Variants in NGEF observed in about 807,000 individuals in gnomAD.
NGEF encodes ephexin-1.
In NGEF, 31 loss-of-function variants were observed where a neutral mutation model predicts 80.9. That is an observed-to-expected ratio of 0.38 (90% CI 0.29 to 0.52). The LOEUF (loss-of-function observed/expected upper bound fraction) is 0.52, where lower values mean the gene tolerates loss of function less well. Among genes scored for constraint, NGEF ranks in the 20% least tolerant of loss-of-function variants. The pLI, the probability that NGEF is intolerant of heterozygous loss-of-function variation, is 0.84. For missense variants in NGEF, 709 were observed against 926.2 expected, an observed-to-expected ratio of 0.77 and a Z score of 3.04; for synonymous variants, 371 against 370.2, an observed-to-expected ratio of 1.00 and a Z score of -0.03.
At chr2:232,917,800 G>A (rs537428803) in intron 5 of NGEF, among the ~76,000 whole-genome samples, 1 of 152,176 alleles carries the variant, frequency 6.6e-6, no homozygotes, top group South Asian at 2.1e-4. Flanking sequence ...TTGAGACAGA[G>A]TCTTGCTCTG....
intron 1 of NGEF, among the ~76,000 whole-genome samples, chr2:232,996,165 T>A (rs2106339937): frequency 6.6e-6 from 1 of 152,102 alleles, no homozygotes; most frequent in East Asian, 1.9e-4. Context: ...CCATCTTTAC[T>A]AAAAATACAA....
intron 6 of NGEF, among the ~76,000 whole-genome samples, chr2:232,893,400 G>A (rs1357112798): frequency 6.6e-6 from 1 of 152,226 alleles, no homozygotes; most frequent in Non-Finnish European, 1.5e-5. Flanking sequence ...CACTGCTGAC[G>A]CTGGTGAGCA....
intron 1 of NGEF, among the ~76,000 whole-genome samples, chr2:233,004,405 C>G (rs1262277549): frequency 6.6e-6 from 1 of 152,244 alleles, no homozygotes; most frequent in Non-Finnish European, 1.5e-5. Flanking sequence ...TCCCCATCCC[C>G]TGGTCGCAGC....
In NGEF at chr2:232,881,243, G is replaced by C. The variant is rs575494703; in HGVS notation, c.1845C>G (p.Pro615=). The change falls in exon 14 of 15, where the codon CCC becomes CCG. Residue 615 remains proline, a synonymous_variant. Transcript: ENST00000264051. ...VSFTSRLLDC[P]QVQCVHPYVA... ...CGTATGGGTGCACGCACTGGACCTGGGGGCAGTCTGAGGGACAAGAGGCAC... is the reference window on the plus strand; with the variant it reads ...CGTATGGGTGCACGCACTGGACCTGCGGGCAGTCTGAGGGACAAGAGGCAC... 5 of 1,607,174 alleles carry C rather than the reference G, an allele frequency of 3.1e-6. No homozygotes were observed. In the East Asian group the frequency reaches 6.7e-5, roughly 21 times the overall value.
chr2:232,894,761 A>G lies in NGEF; in HGVS notation c.984T>C (p.Ser328=), dbSNP rs754051239. The G allele has an allele frequency of 6.3e-7, 1 of 1,580,200 alleles. No homozygotes were observed. Among genetic ancestry groups the G allele is most frequent in the South Asian group, 1.1e-5 (1 of 89,446 alleles). ...GCTGTCCCCCCCGTCCTCACCGCTC[A>G]CTGACAGCCAGCACGTCCAGGACGT... ...FSNVLDVLAV[S]ERFLLELEHR... Residue 328 remains serine, a synonymous_variant, in exon 6 of 15, where the codon AGT becomes AGC. Coordinates refer to ENST00000264051, the MANE Select transcript of NGEF (RefSeq NM_019850.3).
chr2:232,961,860 G>T (rs945938803), intron 3 of NGEF, among the ~76,000 whole-genome samples: 1 of 152,300 alleles, frequency 6.6e-6, no homozygotes, highest in African/African-American at 2.4e-5. Context: ...GGCAATGACT[G>T]CCATTTATGT....
At chr2:232,919,506 A>C (rs1405578942) in intron 5 of NGEF, among the ~76,000 whole-genome samples, 2 of 151,990 alleles carry the variant, frequency 1.3e-5, no homozygotes, top group Non-Finnish European at 2.9e-5. Context: ...GCATATTCAC[A>C]ATTTCTCTCC....
intron 1 of NGEF, among the ~76,000 whole-genome samples, chr2:232,978,560 C>A (rs2106326351): frequency 6.6e-6 from 1 of 152,246 alleles, no homozygotes; most frequent in South Asian, 2.1e-4. Context: ...GTATAATTTA[C>A]TCTTTTTATT....
intron 9 of NGEF, among the ~76,000 whole-genome samples, chr2:232,887,598 G>T (rs1691732958): frequency 6.6e-6 from 1 of 152,182 alleles, no homozygotes; most frequent in African/African-American, 2.4e-5. Context: ...AGGGAGGAGA[G>T]ACTGTTTCTG....
Position 232,883,052 on chromosome 2 carries a change from A to AACACAC in NGEF, c.1757+253_1757+258dup, listed in dbSNP as rs57854484. Among the ~76,000 whole-genome samples, 372 of 150,346 alleles carry AACACAC rather than the reference A, an allele frequency of 2.5e-3. 1 individual carries two copies. The highest frequency in any genetic ancestry group is 8.0e-3 in the African/African-American group (326 of 40,926). ...CGCCCAGAGTCTGAAGCCCCAAGGG[A>AACACAC]ACACACACACACACACACACACACA... On this transcript the variant is annotated intron_variant, in intron 12 of 14. Transcript: ENST00000264051.
chr2:232,959,187 T>G (rs1441853170), intron 3 of NGEF, among the ~76,000 whole-genome samples: 1 of 152,214 alleles, frequency 6.6e-6, no homozygotes, highest in African/African-American at 2.4e-5. Flanking sequence ...CTCTTTGCAG[T>G]TTTCCCCTTG....
chr2:232,959,275 G>C, intron 3 of NGEF, among the ~76,000 whole-genome samples: 1 of 144,588 alleles, frequency 6.9e-6, no homozygotes, highest in Admixed American at 6.9e-5. Context: ...CTCTCTCCCC[G>C]GTGTTTCCTG....
At chr2:232,988,598 C>T (rs1471703509) in intron 1 of NGEF, among the ~76,000 whole-genome samples, 4 of 152,170 alleles carry the variant, frequency 2.6e-5, no homozygotes, top group Non-Finnish European at 5.9e-5. Context: ...TACGCTTTGA[C>T]CCAGCCATCT....
At chr2:232,928,091 G>A in intron 3 of NGEF, 1 of 1,088,862 alleles carries the variant, frequency 9.2e-7, no homozygotes. Flanking sequence ...CTGCGGAGCG[G>A]GGTCGCAGCG....
At chr2:232,928,925 C>G (rs957219387) in intron 3 of NGEF, among the ~76,000 whole-genome samples, 1 of 152,142 alleles carries the variant, frequency 6.6e-6, no homozygotes. Context: ...AAGAGCGAGG[C>G]CTGGAGGTGC....
intron 3 of NGEF, among the ~76,000 whole-genome samples, chr2:232,944,281 A>G (rs576156873): frequency 1.3e-5 from 2 of 152,268 alleles, no homozygotes; most frequent in East Asian, 1.9e-4. Context: ...CTACAAGTGC[A>G]TTTACCCTTC....
chr2:232,938,070 G>A lies in NGEF; in HGVS notation c.384-10884C>T, dbSNP rs1428071772. On this transcript the variant is annotated intron_variant, in intron 3 of 14. Transcript: ENST00000264051. ...ACCCTTGTCTGCTTTAAGAAGAGAT[G>A]GTAGCACTGCATGAGTTTCAATGGT... Among the ~76,000 whole-genome samples, 3 of 152,124 alleles carry A rather than the reference G, an allele frequency of 2.0e-5. No homozygotes were observed. In the East Asian group the frequency reaches 5.8e-4, roughly 29 times the overall value.
At chr2:232,934,260 A>T (rs75129766) in intron 3 of NGEF, among the ~76,000 whole-genome samples, 1 of 144,386 alleles carries the variant, frequency 6.9e-6, no homozygotes, top group Non-Finnish European at 1.5e-5. Context: ...AAAAAAAAAA[A>T]AGAAAGAGAA....
intron 3 of NGEF, among the ~76,000 whole-genome samples, chr2:232,962,121 C>G (rs1157712066): frequency 6.6e-6 from 1 of 152,254 alleles, no homozygotes; most frequent in African/African-American, 2.4e-5. Context: ...GTCATCAAAG[C>G]AGCCTTGGCC....
Sources: gnomAD v4.1 joint callset for allele counts (sites outside exome capture counted in the v4.1 genomes callset) on GRCh38, gnomAD v4.1.1 for gene constraint, MANE v1.5 for transcripts, NCBI Gene and HGNC (gene_info 2026-07-23, HGNC 2026-07-21) for gene names.